Variants in RASA1 observed in about 807,000 individuals in gnomAD.
RASA1 encodes the protein ras GTPase-activating protein 1.
Under a neutral mutation model 132.2 loss-of-function variants are expected in RASA1, and 25 were observed. The observed-to-expected ratio is 0.19, with a 90% CI of 0.14 to 0.26. RASA1 has a LOEUF of 0.26. Among genes scored for constraint, RASA1 ranks in the 10% least tolerant of loss-of-function variants. The probability of loss-of-function intolerance (pLI) is 1.00; values close to 1 mark genes in which losing one functional copy is unlikely to be tolerated. For synonymous variants in RASA1, 477 were observed against 449.9 expected, an observed-to-expected ratio of 1.06 and a Z score of -0.76; for missense variants, 964 against 1,299.2, an observed-to-expected ratio of 0.74 and a Z score of 3.97.
intron 20 of RASA1, among the ~76,000 whole-genome samples, chr5:87,382,375 CAG>C (rs1220318465): frequency 1.6e-4 from 24 of 152,296 alleles, no homozygotes; most frequent in African/African-American, 5.3e-4. Flanking sequence ...TCCACTCTAA[CAG>C]AGAACAGAGA....
intron 6 of RASA1, 136 bp downstream of exon 6, chr5:87,341,457 T>A: frequency 4.5e-6 from 2 of 444,644 alleles, no homozygotes; most frequent in Non-Finnish European, 7.6e-6. Context: ...AGGGAACTGA[T>A]TTCTAAATAT....
chr5:87,332,545 G>A lies in RASA1; in HGVS notation c.731G>A (p.Arg244Lys). ...AMCGDYYIGG[R>K]RFSSLSDLIG... is the part of the protein sequence containing the mutation. Reference sequence around the variant, plus strand: ...TGTGGAGATTACTACATTGGTGGAAGACGTTTTTCTTCACTGTCAGACCTA... The same window carrying A: ...TGTGGAGATTACTACATTGGTGGAAAACGTTTTTCTTCACTGTCAGACCTA... The change falls in exon 3 of 25, where the codon AGA (arginine) becomes AAA (lysine). Residue 244 changes from arginine (R) to lysine (K), a missense_variant. Coordinates refer to ENST00000274376, the MANE Select transcript of RASA1 (RefSeq NM_002890.3). The A allele has an allele frequency of 6.2e-7, 1 of 1,607,812 alleles. No individual in the cohort carries two copies. Among genetic ancestry groups the A allele is most frequent in the Non-Finnish European group, 8.5e-7 (1 of 1,174,652 alleles).
At chr5:87,369,381 C>G (rs1245880255) in intron 11 of RASA1, among the ~76,000 whole-genome samples, 1 of 152,030 alleles carries the variant, frequency 6.6e-6, no homozygotes, top group African/African-American at 2.4e-5. Flanking sequence ...GAAAAATGAT[C>G]AGTTTAGAAA....
chr5:87,302,774 C>T (rs761726409), intron 1 of RASA1, among the ~76,000 whole-genome samples: 4 of 151,132 alleles, frequency 2.6e-5, no homozygotes, highest in African/African-American at 9.7e-5. Context: ...CACCTCTTCC[C>T]GAATAAACAG....
chr5:87,297,149 T>C (rs552648728), intron 1 of RASA1, among the ~76,000 whole-genome samples: 1 of 152,340 alleles, frequency 6.6e-6, no homozygotes, highest in Non-Finnish European at 1.5e-5. Context: ...TTTCTCTGCT[T>C]ACATTGTCTA....
intron 1 of RASA1, among the ~76,000 whole-genome samples, chr5:87,316,009 T>C (rs953817815): frequency 6.6e-6 from 1 of 152,234 alleles, no homozygotes; most frequent in South Asian, 2.1e-4. Context: ...TTAAAAAAAT[T>C]ATGGACACTA....
chr5:87,310,891 T>G (rs940460588), intron 1 of RASA1, among the ~76,000 whole-genome samples: 1 of 152,216 alleles, frequency 6.6e-6, no homozygotes. Flanking sequence ...TGCATCAAAC[T>G]ATACTAGTAA....
chr5:87,275,965 A>C (rs542952149), intron 1 of RASA1, among the ~76,000 whole-genome samples: 1 of 152,076 alleles, frequency 6.6e-6, no homozygotes, highest in South Asian at 2.1e-4. Context: ...TGTGTTCCTC[A>C]TCCTTGCTAA....
chr5:87,268,227 T>G lies in RASA1; in HGVS notation c.-225T>G. 1 of 605,704 alleles carries G rather than the reference T, an allele frequency of 1.7e-6. No individual in the cohort carries two copies. The highest frequency in any genetic ancestry group is 2.8e-6 in the Non-Finnish European group (1 of 354,410). 37.5% of individuals were successfully genotyped at this position (605,704 alleles called of 1,614,324 possible). ...GGTTTGGGTGGCGTTTGTGCAGGCG[T>G]TGGGTTTTTTGCCCACTTGGCTTCC... On this transcript the variant is annotated 5_prime_UTR_variant, in exon 1 of 25. Transcript: ENST00000274376.
At chr5:87,302,635 A>T (rs1420982676) in intron 1 of RASA1, among the ~76,000 whole-genome samples, 1 of 151,406 alleles carries the variant, frequency 6.6e-6, no homozygotes, top group Non-Finnish European at 1.5e-5. Flanking sequence ...AAAGCATAGT[A>T]TTCTAAGTGT....
intron 18 of RASA1, 70 bp from the exon 19 acceptor site, chr5:87,379,665 T>G (rs113738866): frequency 1.3e-6 from 2 of 1,573,544 alleles, no homozygotes; most frequent in African/African-American, 1.4e-5. Flanking sequence ...CTATAACTAC[T>G]TGTTTTCCTC....
Position 87,390,938 on chromosome 5 carries a change from C to T in RASA1, c.*55C>T. On this transcript the variant is annotated 3_prime_UTR_variant, in exon 25 of 25. Coordinates refer to ENST00000274376, the MANE Select transcript of RASA1 (RefSeq NM_002890.3). ...TCAGCATGTCCAACATGGTAATTCA[C>T]TTCAGTTTAATGTCTCCTTTGCTCT... 6.6e-7 allele frequency: 1 copy of T among 1,519,420 alleles called. No homozygotes were observed. The highest frequency in any genetic ancestry group is 2.3e-5 in the East Asian group (1 of 44,118). The allele number at this position is 1,519,420 out of a possible 1,614,324, so 94.1% of individuals were successfully genotyped here. A position where few individuals can be genotyped will look rare whatever the true frequency, so the allele number is the denominator to read the frequency against.
At chr5:87,326,783 C>T (rs1195787709) in intron 1 of RASA1, among the ~76,000 whole-genome samples, 2 of 151,994 alleles carry the variant, frequency 1.3e-5, no homozygotes, top group South Asian at 2.1e-4. Flanking sequence ...AATAGTATGG[C>T]ACTTGCAGCC....
chr5:87,389,119 T>C (rs1298000805), intron 23 of RASA1, among the ~76,000 whole-genome samples: 1 of 152,150 alleles, frequency 6.6e-6, no homozygotes, highest in East Asian at 1.9e-4. Context: ...AATTATCTAA[T>C]ATACCCAATT....
intron 1 of RASA1, among the ~76,000 whole-genome samples, chr5:87,271,575 C>CAGGTTCA (rs1753842952): frequency 6.8e-6 from 1 of 146,162 alleles, no homozygotes; most frequent in African/African-American, 2.5e-5. Flanking sequence ...TCCCCGCCTT[C>CAGGTTCA]AGGTTCAAGC....
At chr5:87,366,518 C>G in intron 11 of RASA1, 1 of 201,928 alleles carries the variant, frequency 5.0e-6, no homozygotes, top group Non-Finnish European at 1.1e-5. Context: ...AAAGGAGTTT[C>G]TGTCTGGTAG....
At chr5:87,361,312 C>G (rs927930160) in intron 9 of RASA1, among the ~76,000 whole-genome samples, 1 of 152,150 alleles carries the variant, frequency 6.6e-6, no homozygotes, top group African/African-American at 2.4e-5. Context: ...CTTCTATTTT[C>G]TTATTATTTT....
intron 1 of RASA1, among the ~76,000 whole-genome samples, chr5:87,306,922 G>A (rs188228937): frequency 2.6e-5 from 4 of 152,166 alleles, no homozygotes; most frequent in East Asian, 1.9e-4. Context: ...GCAATGGTAC[G>A]ATCATAGCTT....
At chr5:87,283,669 A>G (rs1754420087) in intron 1 of RASA1, among the ~76,000 whole-genome samples, 1 of 152,064 alleles carries the variant, frequency 6.6e-6, no homozygotes, top group Admixed American at 6.6e-5. Flanking sequence ...GAACATTGAG[A>G]TGTGGAGGGT....
Sources: allele counts gnomAD v4.1 joint callset (sites outside exome capture counted in the v4.1 genomes callset), GRCh38; gene constraint gnomAD v4.1.1; transcripts MANE v1.5; gene names NCBI Gene and HGNC (gene_info 2026-07-23, HGNC 2026-07-21).